Variants in TRPV4 observed in about 807,000 individuals in gnomAD.
The protein encoded by TRPV4 is transient receptor potential cation channel subfamily V member 4.
Under a neutral mutation model 84.1 loss-of-function variants are expected in TRPV4, and 58 were observed. The ratio of observed to expected loss-of-function variants is 0.69; its 90% CI spans 0.56 to 0.86. The LOEUF (loss-of-function observed/expected upper bound fraction) is 0.86. Ranked by LOEUF, TRPV4 falls within the 40% of genes least tolerant of loss-of-function variation. The probability of loss-of-function intolerance (pLI) is 0.00; values close to 1 mark genes in which losing one functional copy is unlikely to be tolerated. For missense variants in TRPV4, 879 were observed against 1,181.1 expected (o/e 0.74, Z 3.75); for synonymous variants, 489 against 500.9 (o/e 0.98, Z 0.32).
chr12:109,827,724 A>T (rs1027789903), intron 1 of TRPV4, among the ~76,000 whole-genome samples: 4 of 152,094 alleles, frequency 2.6e-5, no homozygotes, highest in Non-Finnish European at 5.9e-5. Context: ...ATACATACAC[A>T]TATGCACACA....
intron 3 of TRPV4, among the ~76,000 whole-genome samples, chr12:109,804,883 G>T (rs1422530108): frequency 6.6e-6 from 1 of 152,098 alleles, no homozygotes; most frequent in Non-Finnish European, 1.5e-5. Context: ...GACTGCAATA[G>T]ACCACGGTGA....
intron 7 of TRPV4, 21 bp from the exon 8 acceptor site, chr12:109,794,508 G>T: frequency 5.0e-6 from 8 of 1,613,014 alleles, no homozygotes; most frequent in Non-Finnish European, 6.8e-6. Context: ...CAGGGTGGTC[G>T]GGGGCTGCCT....
At chr12:109,809,916 C>A (rs912319518) in intron 2 of TRPV4, among the ~76,000 whole-genome samples, 1 of 152,216 alleles carries the variant, frequency 6.6e-6, no homozygotes. Flanking sequence ...GCCCACCACA[C>A]GGTAAACATT....
At chr12:109,799,135 A>G (rs1890615968) in intron 5 of TRPV4, among the ~76,000 whole-genome samples, 1 of 151,322 alleles carries the variant, frequency 6.6e-6, no homozygotes, top group Admixed American at 6.6e-5. Context: ...GGGACTGGAC[A>G]CATCCAATGA....
intron 3 of TRPV4, among the ~76,000 whole-genome samples, chr12:109,806,880 A>C (rs1055414996): frequency 2.0e-5 from 3 of 151,692 alleles, no homozygotes; most frequent in African/African-American, 7.3e-5. Flanking sequence ...AAAGAAAAAA[A>C]AAAAAAAAAC....
In TRPV4 at chr12:109,805,668, A is replaced by G. The variant is rs149906472; in HGVS notation, c.560-2525T>C. On this transcript the variant is annotated intron_variant, in intron 3 of 15. Coordinates refer to ENST00000261740, the MANE Select transcript of TRPV4 (RefSeq NM_021625.5). ...GTTTTGTGGGACGTAGACTAGGTCG[A>G]GGACCTCAGAAAGGGCCTTAGCCAG... is the stretch of plus-strand genomic sequence containing the variant. Among the ~76,000 whole-genome samples, 18 of 152,278 alleles carry G rather than the reference A, an allele frequency of 1.2e-4. No individual in the cohort carries two copies. In the East Asian group the frequency reaches 3.5e-3, roughly 29 times the overall value.
Position 109,792,823 on chromosome 12 carries a change from G to C in TRPV4, c.1659-6C>G, listed in dbSNP as rs755050628. ...CCAGGACAGAGTAGATGAAGCTGCA[G>C]TGCAGCAGAGACCACAAGAGAGGCC... On this transcript the variant is annotated splice_region_variant and splice_polypyrimidine_tract_variant and intron_variant, in intron 10 of 15. Coordinates refer to ENST00000261740, the MANE Select transcript of TRPV4 (RefSeq NM_021625.5). 6.2e-7 allele frequency: 1 copy of C among 1,613,504 alleles called. No individual in the cohort carries two copies. Among genetic ancestry groups the C allele is most frequent in the Non-Finnish European group, 8.5e-7 (1 of 1,180,002 alleles).
At position 109,793,098 on chromosome 12, in the gene TRPV4, G is replaced by A. The variant is rs1278238532; in HGVS notation, c.1659-281C>T. ...TAGTGGTGTTCAGTGGAGATTTTGT[G>A]GCTAAGTGAATTTCATCATTCTCCA... On this transcript the variant is annotated intron_variant, in intron 10 of 15. Coordinates refer to ENST00000261740, the MANE Select transcript of TRPV4 (RefSeq NM_021625.5). The surrounding 1 kb of genome is among the most constrained non-coding windows in gnomAD (Gnocchi z 4.0). 6.6e-6 allele frequency among the ~76,000 whole-genome samples: 1 copy of A among 152,160 alleles called. No individual in the cohort carries two copies. Among genetic ancestry groups the A allele is most frequent in the East Asian group, 1.9e-4 (1 of 5,194 alleles).
chr12:109,784,280 A>T (rs1368258501), intron 15 of TRPV4, 36 bp downstream of exon 15: 8 of 1,613,830 alleles, frequency 5.0e-6, no homozygotes, highest in Non-Finnish European at 6.8e-6. Context: ...ATGAGAATGG[A>T]CTGGGGCTCC....
chr12:109,800,360 G>A (rs146839856), intron 5 of TRPV4, among the ~76,000 whole-genome samples: 3 of 152,296 alleles, frequency 2.0e-5, no homozygotes, highest in Non-Finnish European at 4.4e-5. Flanking sequence ...GATGACAGGT[G>A]TGAGACACCG....
intron 4 of TRPV4, among the ~76,000 whole-genome samples, chr12:109,801,895 A>G (rs1890809980): frequency 6.6e-6 from 1 of 152,186 alleles, no homozygotes; most frequent in South Asian, 2.1e-4. Flanking sequence ...GACTCAAGAT[A>G]TAATATTCAT....
Position 109,794,410 on chromosome 12 carries a change from G to GCCCC in TRPV4, c.1409_1410insGGGG (p.Phe471GlyfsTer77), listed in dbSNP as rs754669877. 6.2e-7 allele frequency: 1 copy of GCCCC among 1,614,058 alleles called. No individual in the cohort carries two copies. Among genetic ancestry groups the GCCCC allele is most frequent in the Non-Finnish European group, 8.5e-7 (1 of 1,180,028 alleles). On this transcript the variant is annotated frameshift_variant, in exon 8 of 16. Coordinates refer to ENST00000261740, the MANE Select transcript of TRPV4 (RefSeq NM_021625.5). LOFTEE classifies it high-confidence loss of function. ...GGTAGGAGACCACGTTGATGTAGAA[G>GCCCC]GAGACGGCCCCGAACTTGCGCCACT...
intron 6 of TRPV4, among the ~76,000 whole-genome samples, chr12:109,797,117 G>A (rs1054368555): frequency 6.6e-6 from 1 of 152,154 alleles, no homozygotes; most frequent in Non-Finnish European, 1.5e-5. Flanking sequence ...GCACAGAGAG[G>A]GGTGGGAATT....
At chr12:109,784,510 C>T (rs1433348465) in intron 14 of TRPV4, 73 bp from the exon 15 acceptor site, 2 of 1,609,102 alleles carry the variant, frequency 1.2e-6, no homozygotes, top group East Asian at 2.2e-5. Flanking sequence ...CCCAGCACAC[C>T]CTCCTATTTT....
At chr12:109,829,549 T>C (rs755686791) in intron 1 of TRPV4, among the ~76,000 whole-genome samples, 4 of 152,252 alleles carry the variant, frequency 2.6e-5, no homozygotes, top group Non-Finnish European at 5.9e-5. Flanking sequence ...GGAGGGGCTC[T>C]CTGAGGATGT....
In TRPV4 at chr12:109,793,885, A is replaced by T; in HGVS notation, c.1584+45T>A. 2 of 1,346,662 alleles carry T rather than the reference A, an allele frequency of 1.5e-6. No homozygotes were observed. Among genetic ancestry groups the T allele is most frequent in the Non-Finnish European group, 2.1e-6 (2 of 958,718 alleles). The allele number at this position is 1,346,662 out of a possible 1,614,324, so 83.4% of individuals were successfully genotyped here. ...GAGAGAAAAGAGGTGCAGGAAGAGA[A>T]GAGGAGGGCAGGCAGGGTGGGGGGC... is the stretch of plus-strand genomic sequence containing the variant. On this transcript the variant is annotated intron_variant, in intron 9 of 15. Transcript: ENST00000261740. The surrounding 1 kb of genome is among the most constrained non-coding windows in gnomAD (Gnocchi z 4.0).
At chr12:109,813,274 G>A (rs149635002) in intron 2 of TRPV4, among the ~76,000 whole-genome samples, 1 of 152,264 alleles carries the variant, frequency 6.6e-6, no homozygotes, top group South Asian at 2.1e-4. Flanking sequence ...TTAGCTGGGT[G>A]TGGTGGCGGG....
intron 1 of TRPV4, among the ~76,000 whole-genome samples, chr12:109,829,027 C>A (rs911016749): frequency 4.6e-5 from 7 of 151,970 alleles, no homozygotes; most frequent in Admixed American, 6.6e-5. Flanking sequence ...CTGAAAAAAA[C>A]CTTTTTTTTT....
chr12:109,796,784 TC>T lies in TRPV4; in HGVS notation c.1153-81del. 6.9e-7 allele frequency: 1 copy of T among 1,456,562 alleles called. No homozygotes were observed. Among genetic ancestry groups the T allele is most frequent in the East Asian group, 2.3e-5 (1 of 43,384 alleles). The allele number at this position is 1,456,562 out of a possible 1,614,324, so 90.2% of individuals were successfully genotyped here. A position where few individuals can be genotyped will look rare whatever the true frequency, so the allele number is the denominator to read the frequency against. On this transcript the variant is annotated intron_variant, in intron 6 of 15. Transcript: ENST00000261740. This position sits in a 1 kb window ranked among gnomAD's most constrained non-coding sequence, Gnocchi z 4.2. ...TGGGCCCAGCTCAGCACATGACGCC[TC>T]CCCAGAAAACAGCTAAGCACCGGCT...
Sources: gnomAD v4.1 joint callset for allele counts (sites outside exome capture counted in the v4.1 genomes callset) on GRCh38, gnomAD v4.1.1 for gene constraint, Gnocchi (gnomAD v3.1) non-coding constraint, MANE v1.5 for transcripts, NCBI Gene and HGNC (gene_info 2026-07-23, HGNC 2026-07-21) for gene names.